Variants in COL8A1 observed in about 807,000 individuals in gnomAD.
The protein encoded by COL8A1 is collagen type VIII alpha 1 chain.
COL8A1 carries 21 observed loss-of-function variants against 42.7 expected under a neutral mutation model. The observed-to-expected ratio is 0.49, with a 90% CI of 0.35 to 0.71. The LOEUF (loss-of-function observed/expected upper bound fraction) is 0.71, where lower values mean the gene tolerates loss of function less well. Ranked by LOEUF, COL8A1 falls within the 30% of genes least tolerant of loss-of-function variation. COL8A1 has a pLI of 0.01. For missense variants in COL8A1, 788 were observed against 962.4 expected (o/e 0.82, Z 2.40); for synonymous variants, 367 against 369.1 (o/e 0.99, Z 0.06).
At chr3:99,669,151 GGAGAGAGAGAGA>G (rs36015819) in intron 1 of COL8A1, among the ~76,000 whole-genome samples, 1 of 114,048 alleles carries the variant, frequency 8.8e-6, no homozygotes, top group Non-Finnish European at 1.8e-5. Flanking sequence ...ATATATAGAG[GGAGAGAGAGAGA>G]GAGAGAGAGA....
At chr3:99,650,740 A>G (rs758809024) in intron 1 of COL8A1, among the ~76,000 whole-genome samples, 23 of 152,294 alleles carry the variant, frequency 1.5e-4, no homozygotes, top group Non-Finnish European at 2.6e-4. Context: ...AACACAAATG[A>G]GGTACTGGAT....
intron 2 of COL8A1, among the ~76,000 whole-genome samples, chr3:99,788,125 T>C (rs1389704494): frequency 6.6e-6 from 1 of 152,148 alleles, no homozygotes; most frequent in African/African-American, 2.4e-5. Context: ...CCACCAAAAA[T>C]ATCCTCAGGG....
chr3:99,675,814 C>T (rs925015937), intron 1 of COL8A1: 3 of 152,360 alleles, frequency 2.0e-5, no homozygotes, highest in Non-Finnish European at 4.4e-5. Context: ...GAATTTTGAC[C>T]CCCTCTAAGG....
chr3:99,737,952 C>G (rs1035499728), intron 1 of COL8A1, among the ~76,000 whole-genome samples: 17 of 151,328 alleles, frequency 1.1e-4, no homozygotes, highest in African/African-American at 3.2e-4. Context: ...TCTAAACTTC[C>G]CTTCTCGCTT....
chr3:99,683,749 C>G (rs911260533), intron 1 of COL8A1, among the ~76,000 whole-genome samples: 8 of 151,836 alleles, frequency 5.3e-5, no homozygotes, highest in Admixed American at 6.6e-5. Flanking sequence ...TTCCAGTTAC[C>G]CTGACTGTGC....
Position 99,795,512 on chromosome 3 carries a change from G to C in COL8A1, c.1611G>C (p.Val537=). The C allele has an allele frequency of 6.3e-7, 1 of 1,592,638 alleles. No individual in the cohort carries two copies. The highest frequency in any genetic ancestry group is 8.5e-7 in the Non-Finnish European group (1 of 1,169,926). The change falls in exon 4 of 4, where the codon GTG becomes GTC. Residue 537 remains valine, a synonymous_variant. Transcript: ENST00000652472. The stretch of plus-strand genomic sequence containing the variant: ...TCCCTGGTATAGGGAAACCCGGAGT[G>C]GCAGGACTTCATGGCCCCCCAGGGA... ...PGFPGIGKPG[V]AGLHGPPGKP...
chr3:99,773,908 A>G (rs1941641800), intron 2 of COL8A1, among the ~76,000 whole-genome samples: 1 of 133,986 alleles, frequency 7.5e-6, no homozygotes, highest in African/African-American at 2.9e-5. Context: ...GTAGTGATGC[A>G]ATCTTGGCCC....
At chr3:99,664,563 T>A (rs916984876) in intron 1 of COL8A1, among the ~76,000 whole-genome samples, 2 of 152,214 alleles carry the variant, frequency 1.3e-5, no homozygotes, top group Non-Finnish European at 2.9e-5. Context: ...CAGCTATATT[T>A]GTACCCTGCT....
intron 1 of COL8A1, among the ~76,000 whole-genome samples, chr3:99,734,610 T>C (rs1255470417): frequency 6.6e-6 from 1 of 152,088 alleles, no homozygotes; most frequent in Non-Finnish European, 1.5e-5. Flanking sequence ...CTCTTTTGGC[T>C]TAGGATTGAC....
At chr3:99,763,786 T>C (rs1470751823) in intron 2 of COL8A1, among the ~76,000 whole-genome samples, 1 of 152,174 alleles carries the variant, frequency 6.6e-6, no homozygotes, top group East Asian at 1.9e-4. Flanking sequence ...AGCCAATTGG[T>C]CACCATCTAC....
chr3:99,678,003 T>C (rs1185744754), intron 1 of COL8A1: 1 of 152,104 alleles, frequency 6.6e-6, no homozygotes, highest in Non-Finnish European at 1.5e-5. Context: ...CATGAGCACA[T>C]TCCAGTCAAT....
intron 1 of COL8A1, among the ~76,000 whole-genome samples, chr3:99,690,139 TA>T (rs1470141306): frequency 3.3e-5 from 5 of 152,212 alleles, no homozygotes; most frequent in African/African-American, 1.2e-4. Flanking sequence ...TACAGGATCT[TA>T]ATAGGCATTA....
intron 2 of COL8A1, among the ~76,000 whole-genome samples, chr3:99,757,527 T>G (rs879504027): frequency 1.3e-5 from 2 of 152,158 alleles, no homozygotes; most frequent in Non-Finnish European, 2.9e-5. Flanking sequence ...AAAGATGACT[T>G]CTTTTGACTG....
chr3:99,676,425 A>G (rs1938699588), intron 1 of COL8A1, among the ~76,000 whole-genome samples: 1 of 152,146 alleles, frequency 6.6e-6, no homozygotes, highest in Admixed American at 6.6e-5. Context: ...TTCCAGGACT[A>G]GAAGAATGGT....
At chr3:99,654,743 G>T (rs1046081694) in intron 1 of COL8A1, among the ~76,000 whole-genome samples, 3 of 151,720 alleles carry the variant, frequency 2.0e-5, no homozygotes, top group Non-Finnish European at 4.4e-5. Context: ...AGCTGTAATT[G>T]TGCCACTACA....
chr3:99,694,437 C>G (rs1364068827), intron 1 of COL8A1, among the ~76,000 whole-genome samples: 1 of 151,962 alleles, frequency 6.6e-6, no homozygotes, highest in Non-Finnish European at 1.5e-5. Context: ...GATCGCACCA[C>G]TCCACTCCAG....
intron 1 of COL8A1, among the ~76,000 whole-genome samples, chr3:99,714,522 T>C (rs1393293036): frequency 6.6e-6 from 1 of 152,086 alleles, no homozygotes; most frequent in Non-Finnish European, 1.5e-5. Context: ...CTGACCTTTG[T>C]TCTGGGGCTA....
At chr3:99,754,828 T>A (rs934371971) in intron 2 of COL8A1, among the ~76,000 whole-genome samples, 1 of 152,174 alleles carries the variant, frequency 6.6e-6, no homozygotes, top group East Asian at 1.9e-4. Flanking sequence ...TACCAAATAA[T>A]TTATCTCAAT....
intron 1 of COL8A1, among the ~76,000 whole-genome samples, chr3:99,708,835 C>T (rs1939754589): frequency 6.6e-6 from 1 of 152,050 alleles, no homozygotes; most frequent in Non-Finnish European, 1.5e-5. Flanking sequence ...GAAATTAGAC[C>T]CGGGGTGCAT....
Sources: allele counts gnomAD v4.1 joint callset (sites outside exome capture counted in the v4.1 genomes callset), GRCh38; gene constraint gnomAD v4.1.1; transcripts MANE v1.5; gene names NCBI Gene and HGNC (gene_info 2026-07-23, HGNC 2026-07-21).